The following MGAT4C variants were observed in gnomAD, a reference collection of about 807,000 sequenced individuals.
MGAT4C encodes alpha-1,3-mannosyl-glycoprotein 4-beta-N-acetylglucosaminyltransferase C.
In MGAT4C, 19 loss-of-function variants were observed where a neutral mutation model predicts 40.1. That is an observed-to-expected ratio of 0.47 (90% CI 0.33 to 0.70). The LOEUF (loss-of-function observed/expected upper bound fraction) is 0.70, where lower values mean the gene tolerates loss of function less well. MGAT4C is among the 30% of genes least tolerant of loss of function. The probability of loss-of-function intolerance (pLI) is 0.02; values close to 1 mark genes in which losing one functional copy is unlikely to be tolerated. For synonymous variants in MGAT4C, 181 were observed against 187.1 expected (o/e 0.97, Z 0.27); for missense variants, 491 against 563.2 (o/e 0.87, Z 1.30).
chr12:86,576,181 GA>G (rs1313557834), intron 2 of MGAT4C, among the ~76,000 whole-genome samples: 11 of 151,746 alleles, frequency 7.2e-5, no homozygotes, highest in African/African-American at 2.7e-4. Flanking sequence ...TGGATTATTA[GA>G]TTTTTTTCCT....
rs533389606 is a variant in MGAT4C at position 86,591,452 on chromosome 12, C to T, written c.-229+135757G>A. The stretch of plus-strand genomic sequence containing the variant: ...ATTGAATAAAATACATTTTAGTTTT[C>T]CACCTAGTATTTGAATGATTACAAA... On this transcript the variant is annotated intron_variant, in intron 2 of 7. Coordinates refer to the MGAT4C transcript ENST00000548651. 2.0e-5 allele frequency among the ~76,000 whole-genome samples: 3 copies of T among 151,926 alleles called. No homozygotes were observed. The South Asian group carries it at 6.2e-4, about 31-fold the overall frequency.
chr12:86,596,354 C>T (rs1593025686), intron 2 of MGAT4C, among the ~76,000 whole-genome samples: 1 of 152,250 alleles, frequency 6.6e-6, no homozygotes, highest in Admixed American at 6.5e-5. Flanking sequence ...TTTTGTGAAA[C>T]ACAGGGCCAG....
At chr12:86,440,395 A>C (rs1292512928) in intron 2 of MGAT4C, among the ~76,000 whole-genome samples, 2 of 152,062 alleles carry the variant, frequency 1.3e-5, no homozygotes, top group Non-Finnish European at 2.9e-5. Context: ...TAATCTCAAT[A>C]GACATAGAAA....
At chr12:86,506,136 T>G (rs1258896587) in intron 2 of MGAT4C, among the ~76,000 whole-genome samples, 1 of 152,166 alleles carries the variant, frequency 6.6e-6, no homozygotes, top group African/African-American at 2.4e-5. Flanking sequence ...GAGAAAACTG[T>G]TTCTGTGGGA....
intron 2 of MGAT4C, among the ~76,000 whole-genome samples, chr12:86,701,554 T>C (rs1297506805): frequency 6.6e-6 from 1 of 152,146 alleles, no homozygotes; most frequent in Non-Finnish European, 1.5e-5. Flanking sequence ...AATCTCTCTT[T>C]CTCTTGGGCT....
chr12:85,963,565 T>G lies in MGAT4C; in HGVS notation c.*15724A>C, dbSNP rs1304303349. ...AGTCAAATACCTTTGAATTTGATTCTTAACAAATCTTTGTGGCTGAGAAAC... is the reference window on the plus strand; with the variant it reads ...AGTCAAATACCTTTGAATTTGATTCGTAACAAATCTTTGTGGCTGAGAAAC... On this transcript the variant is annotated 3_prime_UTR_variant, in exon 5 of 5. Transcript: ENST00000611864. 1.3e-5 allele frequency: 2 copies of G among 152,014 alleles called. No individual in the cohort carries two copies. The highest frequency in any genetic ancestry group is 3.9e-4 in the East Asian group (2 of 5,194). The allele number at this position is 152,014 out of a possible 1,614,324, so 9.4% of individuals were successfully genotyped here. A position where few individuals can be genotyped will look rare whatever the true frequency, so the allele number is the denominator to read the frequency against.
rs149172477 is a variant in MGAT4C, at chr12:86,507,359, T to C, written c.-228-72094A>G. ...ATTCCACTAATATTGAGCTTTGTTA[T>C]GTAACCTTTATTTGGCTTCATGTAA... is the stretch of plus-strand genomic sequence containing the variant. On this transcript the variant is annotated intron_variant, in intron 2 of 7. Coordinates refer to the MGAT4C transcript ENST00000548651. Among the ~76,000 whole-genome samples the C allele has an allele frequency of 5.9e-3, 891 of 152,300 alleles. 6 individuals carry two copies. Among genetic ancestry groups the C allele is most frequent in the Non-Finnish European group, 0.01 (683 of 68,020 alleles).
intron 2 of MGAT4C, among the ~76,000 whole-genome samples, chr12:86,484,101 G>A (rs938485259): frequency 6.6e-6 from 1 of 151,752 alleles, no homozygotes; most frequent in Non-Finnish European, 1.5e-5. Context: ...CAGATCTCTG[G>A]GATCCCAGCT....
chr12:86,678,040 T>C (rs1027862685), intron 2 of MGAT4C, among the ~76,000 whole-genome samples: 3 of 152,116 alleles, frequency 2.0e-5, no homozygotes, highest in Non-Finnish European at 4.4e-5. Context: ...GTCTCAAATT[T>C]ATATTTCCAG....
In MGAT4C at chr12:86,201,704, G is replaced by T. The variant is rs576673749; in HGVS notation, c.-57+54535C>A. 2.6e-3 allele frequency among the ~76,000 whole-genome samples: 393 copies of T among 151,682 alleles called. 1 individual carries two copies. The highest frequency in any genetic ancestry group is 8.6e-3 in the African/African-American group (355 of 41,436). On this transcript the variant is annotated intron_variant, in intron 1 of 4. Transcript: ENST00000611864. ...TCCATTTGTAACAAATTGGTTGTTG[G>T]GATTTTTTATTGGGGTTTCTTTGAA...
chr12:86,466,652 G>T (rs1422226778), intron 2 of MGAT4C, among the ~76,000 whole-genome samples: 2 of 152,142 alleles, frequency 1.3e-5, no homozygotes, highest in African/African-American at 4.8e-5. Context: ...CCCAGAATAT[G>T]CAACACAAAG....
intron 1 of MGAT4C, among the ~76,000 whole-genome samples, chr12:86,223,936 A>AC (rs1950979382): frequency 6.6e-6 from 1 of 152,122 alleles, no homozygotes; most frequent in South Asian, 2.1e-4. Flanking sequence ...CTCCACCACT[A>AC]CCACAGCCAT....
chr12:86,362,651 G>A lies in MGAT4C; in HGVS notation c.-119-28524C>T, dbSNP rs118032959. ...CAATTAAAAGAATGTGAGGGTGCGAGGTCAGATCGAGACCATCCTCGCTAA... is the reference window on the plus strand; with the variant it reads ...CAATTAAAAGAATGTGAGGGTGCGAAGTCAGATCGAGACCATCCTCGCTAA... On this transcript the variant is annotated intron_variant, in intron 3 of 7. Transcript: ENST00000548651. Among the ~76,000 whole-genome samples the A allele has an allele frequency of 6.3e-4, 96 of 151,888 alleles. No individual in the cohort carries two copies. In the East Asian group the frequency reaches 0.018, roughly 29 times the overall value.
rs549067030 is a variant in MGAT4C at position 86,301,260 on chromosome 12, G to A, written c.-57+32805C>T. 1.0e-3 allele frequency among the ~76,000 whole-genome samples: 155 copies of A among 152,190 alleles called. 1 individual carries two copies. The highest frequency in any genetic ancestry group is 3.6e-3 in the African/African-American group (149 of 41,534). ...GTCTTGTAATTACTTTCATAGATAA[G>A]AATCATTTATCATGAGCTCATTTAT... On this transcript the variant is annotated intron_variant, in intron 4 of 7. Transcript: ENST00000548651.
At chr12:86,097,673 T>C (rs1874192853) in intron 1 of MGAT4C, among the ~76,000 whole-genome samples, 1 of 151,578 alleles carries the variant, frequency 6.6e-6, no homozygotes, top group Non-Finnish European at 1.5e-5. Flanking sequence ...TTAGTATGTA[T>C]TGAGGAAAGA....
At chr12:86,058,024 T>A (rs761219363) in intron 1 of MGAT4C, among the ~76,000 whole-genome samples, 2 of 152,104 alleles carry the variant, frequency 1.3e-5, no homozygotes, top group African/African-American at 4.8e-5. Flanking sequence ...CTTCTTTGCT[T>A]AATGATTAAA....
intron 1 of MGAT4C, among the ~76,000 whole-genome samples, chr12:86,109,381 T>C (rs938251325): frequency 9.2e-5 from 14 of 152,122 alleles, no homozygotes; most frequent in African/African-American, 3.4e-4. Flanking sequence ...ATTCTTATAC[T>C]AGCTATTGTT....
intron 2 of MGAT4C, among the ~76,000 whole-genome samples, chr12:86,474,135 T>A (rs1443308928): frequency 6.6e-6 from 1 of 151,666 alleles, no homozygotes; most frequent in African/African-American, 2.4e-5. Context: ...TGTCCAAAAA[T>A]GATAGACTGG....
intron 3 of MGAT4C, among the ~76,000 whole-genome samples, chr12:86,411,056 T>C (rs1031360496): frequency 6.6e-5 from 10 of 152,196 alleles, no homozygotes; most frequent in African/African-American, 2.2e-4. Context: ...CCTGTGGAAC[T>C]GTTAGCTAAT....
Sources: allele counts gnomAD v4.1 joint callset (sites outside exome capture counted in the v4.1 genomes callset), GRCh38; gene constraint gnomAD v4.1.1; transcripts MANE v1.5; gene names NCBI Gene and HGNC (gene_info 2026-07-23, HGNC 2026-07-21).